TMEM230: variants seen among roughly 807,000 people sequenced by gnomAD.
TMEM230 encodes UPF0414 transmembrane protein C20orf30.
Under a neutral mutation model 15.8 loss-of-function variants are expected in TMEM230, and 10 were observed. The ratio of observed to expected loss-of-function variants is 0.63; its 90% CI spans 0.39 to 1.07. The LOEUF (loss-of-function observed/expected upper bound fraction) is 1.07. Ranked by LOEUF, TMEM230 falls within the 50% of genes least tolerant of loss-of-function variation. TMEM230 has a pLI of 0.01. For synonymous variants in TMEM230, 67 were observed against 76.9 expected, an observed-to-expected ratio of 0.87 and a Z score of 0.68; for missense variants, 165 against 193.3, an observed-to-expected ratio of 0.85 and a Z score of 0.87.
chr20:5,083,914 T>C (rs1451570086), intron 3 of TMEM230, among the ~76,000 whole-genome samples: 2 of 152,252 alleles, frequency 1.3e-5, no homozygotes, highest in Non-Finnish European at 2.9e-5. Flanking sequence ...GTGGGTAAAT[T>C]ATGTATCGTG....
intron 3 of TMEM230, among the ~76,000 whole-genome samples, chr20:5,074,363 T>C (rs1254402988): frequency 6.6e-6 from 1 of 152,134 alleles, no homozygotes; most frequent in Admixed American, 6.5e-5. Flanking sequence ...TCTGCGTAAA[T>C]GAACCTTACT....
At chr20:5,067,429 A>ATATATG (rs1243790525), downstream of TMEM230, 731 of 12,156 alleles carry the variant, frequency 0.06, 21 homozygotes, top group South Asian at 0.22. Context: ...ATATATATAT[A>ATATATG]TATATATATA....
intron 3 of TMEM230, among the ~76,000 whole-genome samples, chr20:5,092,469 G>C (rs1381107805): frequency 6.6e-6 from 1 of 152,156 alleles, no homozygotes; most frequent in Non-Finnish European, 1.5e-5. Context: ...TGTAATCCCT[G>C]CACTTTGGGA....
At chr20:5,089,664 G>A (rs1325589489) in intron 3 of TMEM230, among the ~76,000 whole-genome samples, 4 of 151,856 alleles carry the variant, frequency 2.6e-5, no homozygotes, top group Non-Finnish European at 5.9e-5. Context: ...TCGCCCCACT[G>A]CACTCCAGCC....
At chr20:5,096,073 G>T (rs115899448), downstream of TMEM230, among the ~76,000 whole-genome samples, 7 of 152,212 alleles carry the variant, frequency 4.6e-5, no homozygotes, top group African/African-American at 1.7e-4. Context: ...GTCAGCAGCT[G>T]TCAGGGAGAG....
intron 3 of TMEM230, among the ~76,000 whole-genome samples, chr20:5,108,640 G>A (rs1237626901): frequency 6.6e-6 from 1 of 152,046 alleles, no homozygotes; most frequent in Non-Finnish European, 1.5e-5. Flanking sequence ...TCCTTCAAAT[G>A]TGGGTCCAAA....
At chr20:5,093,036 T>C (rs2089555248) in intron 3 of TMEM230, among the ~76,000 whole-genome samples, 1 of 151,952 alleles carries the variant, frequency 6.6e-6, no homozygotes, top group Non-Finnish European at 1.5e-5. Context: ...GGCCTCCAAA[T>C]TGGAAATGAA....
intron 2 of TMEM230, among the ~76,000 whole-genome samples, chr20:5,110,763 T>G (rs2090280779): frequency 6.6e-6 from 1 of 152,228 alleles, no homozygotes; most frequent in Non-Finnish European, 1.5e-5. Context: ...AAAAATGGAA[T>G]AACAACCTGG....
intron 3 of TMEM230, among the ~76,000 whole-genome samples, chr20:5,082,623 A>C (rs2089215202): frequency 6.6e-6 from 1 of 151,906 alleles, no homozygotes; most frequent in Non-Finnish European, 1.5e-5. Flanking sequence ...TTGTACCATT[A>C]GTAGAGACAG....
In TMEM230 at chr20:5,082,222, TTC is replaced by T. The variant is rs1228445902; in HGVS notation, c.223-12875_223-12874del. Among the ~76,000 whole-genome samples the T allele has an allele frequency of 4.6e-4, 55 of 120,376 alleles. 3 individuals carry two copies. Among genetic ancestry groups the T allele is most frequent in the East Asian group, 4.3e-4 (1 of 2,324 alleles). 79.0% of individuals were successfully genotyped at this position (120,376 alleles called of 152,430 possible). ...GAAGAAGAAAATGGGAAAGCCTTGT[TTC>T]TCTCTCTCTTTCTCTCTCTCTCTCT... On this transcript the variant is annotated intron_variant, in intron 3 of 3. Transcript: ENST00000612323.
At chr20:5,102,780 C>A (rs1007166778) in intron 4 of TMEM230, among the ~76,000 whole-genome samples, 1 of 151,576 alleles carries the variant, frequency 6.6e-6, no homozygotes, top group Admixed American at 6.6e-5. Context: ...TCTACTAGGC[C>A]AGTTTTACCC....
At chr20:5,064,961 A>C (rs1377900536), downstream of TMEM230, among the ~76,000 whole-genome samples, 1 of 151,856 alleles carries the variant, frequency 6.6e-6, no homozygotes, top group Non-Finnish European at 1.5e-5. Context: ...ACTTGAGCTT[A>C]GGAGTTTGAG....
At chr20:5,088,687 A>T (rs957268370) in intron 3 of TMEM230, among the ~76,000 whole-genome samples, 1 of 151,746 alleles carries the variant, frequency 6.6e-6, no homozygotes, top group African/African-American at 2.4e-5. Context: ...TAATTAAAAA[A>T]AATTTTTTTG....
chr20:5,098,647 C>T (rs1177986644), downstream of TMEM230, among the ~76,000 whole-genome samples: 3 of 152,120 alleles, frequency 2.0e-5, no homozygotes, highest in Non-Finnish European at 4.4e-5. Context: ...CCTCAGGGGA[C>T]TCTGGAGGAG....
At chr20:5,060,259 C>T in the TMEM230 span, among the ~76,000 whole-genome samples, 2 of 151,668 alleles carry the variant, frequency 1.3e-5, no homozygotes, top group Non-Finnish European at 2.9e-5. Flanking sequence ...CCTGTGTACA[C>T]ATCCCCAAAT....
chr20:5,066,650 G>C (rs2088657587), downstream of TMEM230, among the ~76,000 whole-genome samples: 1 of 146,462 alleles, frequency 6.8e-6, no homozygotes, highest in African/African-American at 2.6e-5. Context: ...CTGGGCGATA[G>C]AGCGAGAGAG....
At chr20:5,078,223 G>A (rs1311353240) in intron 3 of TMEM230, among the ~76,000 whole-genome samples, 1 of 152,172 alleles carries the variant, frequency 6.6e-6, no homozygotes, top group African/African-American at 2.4e-5. Context: ...TTGATTTAAT[G>A]CTCTGCTGTC....
rs776037148 is a variant in TMEM230, at chr20:5,109,411, T to C, written c.209A>G (p.Asn70Ser). The change falls in exon 3 of 5, where the codon AAC becomes AGC. Residue 70 changes from asparagine to serine, a missense_variant. Transcript: ENST00000342308. Reference sequence around the variant, plus strand: ...ACTACTGGGGATTCCAGTAGCCAGGTTGGTACGGGACGGCATCATAACACG... The same window carrying C: ...ACTACTGGGGATTCCAGTAGCCAGGCTGGTACGGGACGGCATCATAACACG... 7.0e-5 allele frequency: 113 copies of C among 1,613,768 alleles called. No individual in the cohort carries two copies. The highest frequency in any genetic ancestry group is 8.9e-5 in the Non-Finnish European group (105 of 1,179,856).
downstream of TMEM230, among the ~76,000 whole-genome samples, chr20:5,099,224 AAATAAATAAATCAATC>A (rs71197749): frequency 0.2 from 24,692 of 125,500 alleles, 2,937 homozygotes; most frequent in African/African-American, 0.39. Flanking sequence ...ATAAATAAAT[AAATAAATAAATCAATC>A]AATCAATAAT....
Sources: gnomAD v4.1 joint callset for allele counts (sites outside exome capture counted in the v4.1 genomes callset) on GRCh38, gnomAD v4.1.1 for gene constraint, MANE v1.5 for transcripts, NCBI Gene and HGNC (gene_info 2026-07-23, HGNC 2026-07-21) for gene names.